Variants in PTPRD observed in about 807,000 individuals in gnomAD.
PTPRD encodes receptor-type tyrosine-protein phosphatase delta.
Under a neutral mutation model 214.5 loss-of-function variants are expected in PTPRD, and 34 were observed. The observed-to-expected ratio is 0.16, with a 90% CI of 0.12 to 0.21. The LOEUF is 0.21. PTPRD is among the 10% of genes least tolerant of loss of function. The probability of loss-of-function intolerance (pLI) is 1.00; values close to 1 mark genes in which losing one functional copy is unlikely to be tolerated. For missense variants in PTPRD, 2,545 were observed against 2,398.7 expected, an observed-to-expected ratio of 1.06 and a Z score of -1.27; for synonymous variants, 1,128 against 845.7, an observed-to-expected ratio of 1.33 and a Z score of -5.79.
At chr9:8,841,500 GATT>G (rs2097557128) in intron 11 of PTPRD, among the ~76,000 whole-genome samples, 1 of 152,042 alleles carries the variant, frequency 6.6e-6, no homozygotes, top group African/African-American at 2.4e-5. Context: ...GCAAACATGA[GATT>G]ATTATGTGCC....
At chr9:10,561,373 C>A (rs2063927985) in intron 2 of PTPRD, among the ~76,000 whole-genome samples, 1 of 151,874 alleles carries the variant, frequency 6.6e-6, no homozygotes, top group South Asian at 2.1e-4. Flanking sequence ...TCTCAGATTC[C>A]CTTTAGTATG....
rs1566622187 is a variant in PTPRD, at chr9:10,509,581, T to TATATATATATATATATATATATATA, written c.-600+102816_-600+102817insTATATATATATATATATATATATAT. 9.2e-4 allele frequency among the ~76,000 whole-genome samples: 54 copies of TATATATATATATATATATATATATA among 58,936 alleles called. 1 individual carries two copies. Among genetic ancestry groups the TATATATATATATATATATATATATA allele is most frequent in the African/African-American group, 3.8e-3 (51 of 13,346 alleles). The allele number at this position is 58,936 out of a possible 152,430, so 38.7% of individuals were successfully genotyped here. The stretch of plus-strand genomic sequence containing the variant: ...ATTATATATATATATATATATATAT[T>TATATATATATATATATATATATATA]TTACTCACTTACTTACTTTCTGGCA... On this transcript the variant is annotated intron_variant, in intron 2 of 45. Transcript: ENST00000381196.
At position 8,485,269 on chromosome 9, in the gene PTPRD, A is replaced by G. The variant is rs1385993479; in HGVS notation, c.3111T>C (p.Ser1037=). 6.2e-7 allele frequency: 1 copy of G among 1,614,164 alleles called. No homozygotes were observed. The highest frequency in any genetic ancestry group is 1.1e-5 in the South Asian group (1 of 91,076). The change falls in exon 29 of 46, where the codon TCT becomes TCC. Residue 1037 remains serine, a synonymous_variant. Coordinates refer to ENST00000381196, the MANE Select transcript of PTPRD (RefSeq NM_002839.4). ...AGTTATAATTCTCTGGAATCTCCCA[A>G]GACAGCAACACGGAAGTCTTCATTA... ...KAVMKTSVLL[S]WEIPENYNSA...
At chr9:9,710,805 C>T (rs925550627) in intron 7 of PTPRD, among the ~76,000 whole-genome samples, 9 of 151,950 alleles carry the variant, frequency 5.9e-5, no homozygotes, top group Non-Finnish European at 1.2e-4. Flanking sequence ...ACACACACAG[C>T]AGTTTCTAGA....
intron 12 of PTPRD, among the ~76,000 whole-genome samples, chr9:8,649,311 G>GT (rs1385062397): frequency 6.6e-6 from 1 of 152,172 alleles, no homozygotes; most frequent in Non-Finnish European, 1.5e-5. Context: ...ATGAATTTTT[G>GT]TAACGCTTGC....
At chr9:8,683,744 G>C (rs920682938) in intron 12 of PTPRD, among the ~76,000 whole-genome samples, 1 of 152,174 alleles carries the variant, frequency 6.6e-6, no homozygotes, top group African/African-American at 2.4e-5. Context: ...GTGATGCTAT[G>C]TGAGTTCCCA....
At chr9:8,638,937 G>C (rs890493435) in intron 12 of PTPRD, among the ~76,000 whole-genome samples, 4 of 152,156 alleles carry the variant, frequency 2.6e-5, no homozygotes, top group Admixed American at 6.5e-5. Flanking sequence ...CCACTACCCA[G>C]GTTCAAGCGA....
At chr9:10,157,050 G>T (rs1218352841) in intron 3 of PTPRD, among the ~76,000 whole-genome samples, 1 of 152,126 alleles carries the variant, frequency 6.6e-6, no homozygotes, top group Non-Finnish European at 1.5e-5. Flanking sequence ...GTCTCTTGAA[G>T]AAAGAATACC....
intron 3 of PTPRD, among the ~76,000 whole-genome samples, chr9:10,040,233 G>T (rs1045322608): frequency 2.6e-5 from 4 of 152,014 alleles, no homozygotes; most frequent in African/African-American, 4.8e-5. Context: ...GAACCCAAAA[G>T]TCTTCCCATT....
chr9:8,906,771 G>A (rs1297463735), intron 11 of PTPRD, among the ~76,000 whole-genome samples: 1 of 151,884 alleles, frequency 6.6e-6, no homozygotes, highest in African/African-American at 2.4e-5. Flanking sequence ...CCTAAATTGT[G>A]GTCTTTTCGG....
At chr9:9,727,188 G>A (rs975143167) in intron 7 of PTPRD, among the ~76,000 whole-genome samples, 1 of 152,054 alleles carries the variant, frequency 6.6e-6, no homozygotes, top group Non-Finnish European at 1.5e-5. Context: ...GGGCGTGGTG[G>A]CTCACACCTA....
At chr9:8,960,167 A>G (rs1274419585) in intron 11 of PTPRD, among the ~76,000 whole-genome samples, 1 of 152,042 alleles carries the variant, frequency 6.6e-6, no homozygotes, top group Non-Finnish European at 1.5e-5. Context: ...TCTTTGTACA[A>G]TGGTGATAGT....
chr9:8,855,432 G>A (rs1439992156), intron 11 of PTPRD, among the ~76,000 whole-genome samples: 3 of 152,062 alleles, frequency 2.0e-5, no homozygotes, highest in Non-Finnish European at 1.5e-5. Flanking sequence ...CTGCACAACT[G>A]CTCTGGCCCA....
At chr9:10,162,053 G>A (rs1262516137) in intron 3 of PTPRD, among the ~76,000 whole-genome samples, 1 of 151,624 alleles carries the variant, frequency 6.6e-6, no homozygotes, top group Non-Finnish European at 1.5e-5. Context: ...TGATGCTAGT[G>A]AGGATGTGGA....
chr9:9,788,551 CAAAAAAAAA>C (rs371559861), intron 5 of PTPRD, among the ~76,000 whole-genome samples: 1 of 117,440 alleles, frequency 8.5e-6, no homozygotes, highest in Admixed American at 9.5e-5. Flanking sequence ...AGCTCCGTCT[CAAAAAAAAA>C]AAAAAGAAAG....
chr9:9,801,604 A>G (rs1398402545), intron 5 of PTPRD, among the ~76,000 whole-genome samples: 1 of 152,130 alleles, frequency 6.6e-6, no homozygotes, highest in Non-Finnish European at 1.5e-5. Context: ...TGTTGGACTA[A>G]GAAAAGTAGT....
At position 10,037,115 on chromosome 9, in the gene PTPRD, T is replaced by A. The variant is rs116506188; in HGVS notation, c.-544-3325A>T. ...TATGTTGCCCAGAATGGTCTCGGAC[T>A]CCTGGACTCAAGCAGTCCTTCTGCC... On this transcript the variant is annotated intron_variant, in intron 3 of 45. Transcript: ENST00000381196. Among the ~76,000 whole-genome samples, 794 of 152,044 alleles carry A rather than the reference T, an allele frequency of 5.2e-3. 8 individuals are homozygous for A. The highest frequency in any genetic ancestry group is 0.018 in the African/African-American group (731 of 41,456).
intron 2 of PTPRD, among the ~76,000 whole-genome samples, chr9:10,505,496 C>T (rs747683729): frequency 2.6e-5 from 4 of 152,092 alleles, no homozygotes; most frequent in Admixed American, 6.6e-5. Flanking sequence ...AAGCTCTCAC[C>T]TGTCAACAGT....
chr9:10,082,071 G>C (rs1003500265), intron 3 of PTPRD, among the ~76,000 whole-genome samples: 6 of 151,906 alleles, frequency 3.9e-5, no homozygotes, highest in African/African-American at 1.5e-4. Context: ...TAGGTGACTT[G>C]GTTTGGAAGA....
Sources: gnomAD v4.1 joint callset for allele counts (sites outside exome capture counted in the v4.1 genomes callset) on GRCh38, gnomAD v4.1.1 for gene constraint, MANE v1.5 for transcripts, NCBI Gene and HGNC (gene_info 2026-07-23, HGNC 2026-07-21) for gene names.